GPC6: variants seen among roughly 807,000 people sequenced by gnomAD.
GPC6 encodes the protein glypican-6.
In GPC6, 14 loss-of-function variants were observed where a neutral mutation model predicts 55.2. The ratio of observed to expected loss-of-function variants is 0.25; its 90% CI spans 0.17 to 0.40. The LOEUF is 0.40. Ranked by LOEUF, GPC6 falls within the 10% of genes least tolerant of loss-of-function variation. The pLI, the probability that GPC6 is intolerant of heterozygous loss-of-function variation, is 1.00. For missense variants in GPC6, 641 were observed against 708.5 expected (o/e 0.90, Z 1.08); for synonymous variants, 278 against 259.6 (o/e 1.07, Z -0.68).
intron 2 of GPC6, among the ~76,000 whole-genome samples, chr13:93,621,474 G>T (rs1301482810): frequency 6.6e-6 from 1 of 152,060 alleles, no homozygotes; most frequent in Admixed American, 6.6e-5. Context: ...TAATAACTTG[G>T]ATGTGTTCTC....
chr13:93,276,495 A>AGAGAGAGAGAGAGTGT (rs1365006783), intron 1 of GPC6, among the ~76,000 whole-genome samples: 7 of 94,454 alleles, frequency 7.4e-5, no homozygotes, highest in African/African-American at 3.1e-4. Context: ...AGAGAGAGAG[A>AGAGAGAGAGAGAGTGT]GTGTGTGTGT....
chr13:93,778,618 T>G (rs954442668), intron 2 of GPC6, among the ~76,000 whole-genome samples: 3 of 152,158 alleles, frequency 2.0e-5, no homozygotes, highest in Non-Finnish European at 4.4e-5. Flanking sequence ...GTACCCACTT[T>G]CACCATTCTT....
At position 93,850,112 on chromosome 13, in the gene GPC6, A is replaced by G. The variant is rs1179973134; in HGVS notation, c.711+19567A>G. Among the ~76,000 whole-genome samples, 4 of 152,208 alleles carry G rather than the reference A, an allele frequency of 2.6e-5. No homozygotes were observed. In the East Asian group the frequency reaches 5.8e-4, roughly 22 times the overall value. ...TCAGATGCATTAGTTCCTATGAGAA[A>G]TCTTTGAAAACAAACCACGCATGAA... is the stretch of plus-strand genomic sequence containing the variant. On this transcript the variant is annotated intron_variant, in intron 3 of 8. Transcript: ENST00000377047.
At chr13:93,349,882 G>A in intron 1 of GPC6, among the ~76,000 whole-genome samples, 1 of 152,066 alleles carries the variant, frequency 6.6e-6, no homozygotes, top group Admixed American at 6.6e-5. Flanking sequence ...CATATTCAAT[G>A]GCCATTAGGC....
intron 3 of GPC6, among the ~76,000 whole-genome samples, chr13:93,880,386 TA>T (rs1442122046): frequency 1.3e-5 from 2 of 152,066 alleles, no homozygotes; most frequent in Non-Finnish European, 2.9e-5. Flanking sequence ...TATGCAGCCA[TA>T]AAAAATGATG....
At chr13:93,648,018 G>A (rs897449703) in intron 2 of GPC6, among the ~76,000 whole-genome samples, 11 of 152,076 alleles carry the variant, frequency 7.2e-5, no homozygotes, top group Non-Finnish European at 1.0e-4. Flanking sequence ...AAAGTGTGGC[G>A]AGTGGCACCA....
chr13:94,353,465 A>G (rs1430293220), intron 6 of GPC6, among the ~76,000 whole-genome samples: 1 of 152,192 alleles, frequency 6.6e-6, no homozygotes, highest in Non-Finnish European at 1.5e-5. Context: ...AAATAAAACA[A>G]AACAATCTGG....
At chr13:93,534,198 A>T (rs1395947025) in intron 1 of GPC6, among the ~76,000 whole-genome samples, 2 of 152,200 alleles carry the variant, frequency 1.3e-5, no homozygotes, top group Non-Finnish European at 2.9e-5. Flanking sequence ...AAACTCAAGA[A>T]AAAGAAATAT....
chr13:93,370,884 A>C (rs1881424306), intron 1 of GPC6, among the ~76,000 whole-genome samples: 1 of 152,168 alleles, frequency 6.6e-6, no homozygotes, highest in Non-Finnish European at 1.5e-5. Flanking sequence ...AATACTTTCT[A>C]CATGGATGTT....
At chr13:93,813,386 C>G (rs1886756173) in intron 2 of GPC6, among the ~76,000 whole-genome samples, 1 of 152,086 alleles carries the variant, frequency 6.6e-6, no homozygotes, top group South Asian at 2.1e-4. Context: ...CCACTGTACT[C>G]CAGCCTGGGT....
At chr13:93,454,921 G>A (rs1291454789) in intron 1 of GPC6, among the ~76,000 whole-genome samples, 1 of 152,260 alleles carries the variant, frequency 6.6e-6, no homozygotes, top group Admixed American at 6.5e-5. Context: ...CAGGTCCCGA[G>A]CCCTGTCCCG....
chr13:94,314,124 C>T (rs553333614), intron 6 of GPC6, among the ~76,000 whole-genome samples: 2 of 152,206 alleles, frequency 1.3e-5, no homozygotes, highest in East Asian at 3.9e-4. Flanking sequence ...TTAGAAAAGC[C>T]GTTACTTTCC....
At chr13:94,327,660 C>G (rs1183985366) in intron 6 of GPC6, among the ~76,000 whole-genome samples, 2 of 151,922 alleles carry the variant, frequency 1.3e-5, no homozygotes, top group African/African-American at 4.8e-5. Context: ...GAGGTGGTCA[C>G]ATTGACTAAA....
chr13:94,312,350 G>T (rs544186588), intron 6 of GPC6, among the ~76,000 whole-genome samples: 1 of 152,226 alleles, frequency 6.6e-6, no homozygotes, highest in South Asian at 2.1e-4. Flanking sequence ...AAACAAAATG[G>T]ACAAAGCAGC....
intron 3 of GPC6, among the ~76,000 whole-genome samples, chr13:93,912,859 C>T (rs1001105886): frequency 2.0e-5 from 3 of 152,118 alleles, no homozygotes; most frequent in Non-Finnish European, 2.9e-5. Flanking sequence ...AATCTAAGTC[C>T]CTACCTGCCA....
intron 4 of GPC6, among the ~76,000 whole-genome samples, chr13:94,093,927 C>A (rs969983523): frequency 6.6e-6 from 1 of 151,940 alleles, no homozygotes; most frequent in Admixed American, 6.6e-5. Context: ...AGGAAAAAAA[C>A]ACAAGAAAAT....
At chr13:93,850,302 C>T (rs1207731923) in intron 3 of GPC6, among the ~76,000 whole-genome samples, 2 of 151,746 alleles carry the variant, frequency 1.3e-5, no homozygotes, top group Non-Finnish European at 2.9e-5. Flanking sequence ...CTTAGAATTC[C>T]CATTCTAAAG....
At chr13:93,442,302 A>C (rs964066665) in intron 1 of GPC6, among the ~76,000 whole-genome samples, 15 of 152,140 alleles carry the variant, frequency 9.9e-5, no homozygotes, top group African/African-American at 3.6e-4. Context: ...TAAGCAAAGA[A>C]ACCAGTGAAA....
At chr13:93,251,527 G>A (rs759681574) in intron 1 of GPC6, among the ~76,000 whole-genome samples, 1 of 152,090 alleles carries the variant, frequency 6.6e-6, no homozygotes, top group Non-Finnish European at 1.5e-5. Flanking sequence ...TATTTACATA[G>A]GAATCTTTGG....
Sources: allele counts gnomAD v4.1 joint callset (sites outside exome capture counted in the v4.1 genomes callset), GRCh38; gene constraint gnomAD v4.1.1; transcripts MANE v1.5; gene names NCBI Gene and HGNC (gene_info 2026-07-23, HGNC 2026-07-21).